The following TEX2 variants were observed in gnomAD, a reference collection of about 807,000 sequenced individuals.
TEX2 encodes the protein testis-expressed protein 2.
TEX2 carries 53 observed loss-of-function variants against 106.9 expected under a neutral mutation model. The observed-to-expected ratio is 0.50, with a 90% confidence interval of 0.40 to 0.62. The LOEUF (loss-of-function observed/expected upper bound fraction) is 0.62, where lower values mean the gene tolerates loss of function less well. TEX2 is among the 20% of genes least tolerant of loss of function. The pLI, the probability that TEX2 is intolerant of heterozygous loss-of-function variation, is 0.00. For synonymous variants in TEX2, 523 were observed against 534.8 expected (o/e 0.98, Z 0.30); for missense variants, 1,207 against 1,379.0 (o/e 0.88, Z 1.98).
At position 64,188,896 on chromosome 17, in the gene TEX2, T is replaced by C. The variant is rs950132231; in HGVS notation, c.2177-481A>G. On this transcript the variant is annotated intron_variant, in intron 4 of 11. Transcript: ENST00000584379. ...TCTCTAAGGTAATTTTTAAGAACGG[T>C]TTTTATTCCTCTCCAAGATAATTAG... 3.9e-5 allele frequency among the ~76,000 whole-genome samples: 6 copies of C among 152,242 alleles called. No homozygotes were observed. The East Asian group carries it at 1.2e-3, about 29-fold the overall frequency.
chr17:64,182,497 AAT>A (rs1343184021), intron 5 of TEX2, among the ~76,000 whole-genome samples: 3 of 152,364 alleles, frequency 2.0e-5, no homozygotes, highest in East Asian at 1.9e-4. Flanking sequence ...AATTTTTAAA[AAT>A]AGAGTACATT....
chr17:64,152,982 C>T lies in TEX2; in HGVS notation c.3103G>A (p.Ala1035Thr). Reference protein sequence around the residue: ...VEVQECRGTLAVNIPPPPTDR... With the variant: ...VEVQECRGTLTVNIPPPPTDR... ...GTCGGGGGTGGTGGAATGTTGACCG[C>T]CAAGGTTCCTCTACATTCTTGTACT... Residue 1035 changes from alanine to threonine, a missense_variant, in exon 10 of 12, where the codon GCG becomes ACG. By Grantham distance (58) the Ala-to-Thr change is moderately conservative (BLOSUM62 0). Transcript: ENST00000584379. 1 of 1,614,148 alleles carries T rather than the reference C, an allele frequency of 6.2e-7. No homozygotes were observed. Among genetic ancestry groups the T allele is most frequent in the South Asian group, 1.1e-5 (1 of 91,082 alleles).
chr17:64,253,531 T>G (rs569392914), intron 1 of TEX2, among the ~76,000 whole-genome samples: 1 of 151,616 alleles, frequency 6.6e-6, no homozygotes, highest in East Asian at 1.9e-4. Context: ...GGAGTAGAGG[T>G]AGATGAGGGC....
chr17:64,200,310 C>G (rs2032618308), intron 2 of TEX2, among the ~76,000 whole-genome samples: 1 of 152,220 alleles, frequency 6.6e-6, no homozygotes, highest in Non-Finnish European at 1.5e-5. Flanking sequence ...AGCTGTTACT[C>G]TGCCCCAGTC....
At chr17:64,149,274 C>T (rs1269679005) in intron 11 of TEX2, 183 bp from the exon 12 acceptor site, 11 of 601,232 alleles carry the variant, frequency 1.8e-5, no homozygotes, top group South Asian at 6.5e-5. Context: ...ATCATACCAG[C>T]GCATGGATAC....
At chr17:64,258,321 C>T (rs2034223541) in intron 1 of TEX2, among the ~76,000 whole-genome samples, 1 of 152,100 alleles carries the variant, frequency 6.6e-6, no homozygotes, top group Admixed American at 6.5e-5. Flanking sequence ...GGTGTATATA[C>T]GGTTCAGCAC....
At chr17:64,243,729 G>A (rs547941943) in intron 1 of TEX2, among the ~76,000 whole-genome samples, 1 of 152,184 alleles carries the variant, frequency 6.6e-6, no homozygotes, top group South Asian at 2.1e-4. Context: ...GTGTGTACAT[G>A]TGCGGATTTC....
chr17:64,214,815 C>T (rs1343673807), intron 1 of TEX2, among the ~76,000 whole-genome samples: 2 of 152,214 alleles, frequency 1.3e-5, no homozygotes, highest in African/African-American at 2.4e-5. Context: ...AATCTGTAAA[C>T]TAATTGCCAT....
intron 2 of TEX2, among the ~76,000 whole-genome samples, chr17:64,208,397 C>T (rs2032903561): frequency 6.6e-6 from 1 of 151,932 alleles, no homozygotes; most frequent in African/African-American, 2.4e-5. Context: ...GCCACCACAC[C>T]TGGCTTTTTA....
At chr17:64,174,252 C>T (rs1212663012) in intron 6 of TEX2, among the ~76,000 whole-genome samples, 3 of 152,182 alleles carry the variant, frequency 2.0e-5, no homozygotes, top group African/African-American at 7.2e-5. Context: ...CAACCACTAC[C>T]TGCCATTCTG....
At chr17:64,260,396 TG>T (rs2143538955) in intron 1 of TEX2, among the ~76,000 whole-genome samples, 1 of 152,332 alleles carries the variant, frequency 6.6e-6, no homozygotes, top group South Asian at 2.1e-4. Context: ...CTCAAACCCT[TG>T]GCCTCAAGTA....
rs782096371 is a variant in TEX2 at position 64,213,204 on chromosome 17, C to T, written c.1014G>A (p.Leu338=). The change falls in exon 2 of 12, where the codon TTG becomes TTA. Residue 338 remains leucine (L), a synonymous_variant. Transcript: ENST00000584379. This position sits in a 1 kb window ranked among gnomAD's most constrained non-coding sequence, Gnocchi z 4.4. The part of the protein sequence containing the change: ...LSNLSSLNGH[L]ESNNNYSIKE... ...TGATGCTGTAGTTGTTATTGCTTTCCAAGTGCCCATTCAAGCTGGACAGAT... is the reference window on the plus strand; with the variant it reads ...TGATGCTGTAGTTGTTATTGCTTTCTAAGTGCCCATTCAAGCTGGACAGAT... The T allele has an allele frequency of 2.5e-6, 4 of 1,614,178 alleles. No individual in the cohort carries two copies. In the East Asian group the frequency reaches 8.9e-5, roughly 36 times the overall value.
Position 64,213,883 on chromosome 17 carries a change from T to A in TEX2, c.335A>T (p.Asn112Ile). The A allele has an allele frequency of 5.6e-6, 9 of 1,614,180 alleles. No homozygotes were observed. The highest frequency in any genetic ancestry group is 6.8e-6 in the Non-Finnish European group (8 of 1,180,024). ...AGGGGACTCCAACAGCTTTACAGTGTTCTTGGAGACGGGCAAAATGGCAGG... is the reference window on the plus strand; with the variant it reads ...AGGGGACTCCAACAGCTTTACAGTGATCTTGGAGACGGGCAAAATGGCAGG... ...QAPAILPVSK[N>I]TVKLLESPVP... The change falls in exon 2 of 12, where the codon AAC becomes ATC. Residue 112 changes from asparagine to isoleucine, a missense_variant. By Grantham distance (149) the Asn-to-Ile change is moderately radical. This residue lies in a region of TEX2 where 1,067 missense variants were observed against 1,193.6 expected (regional missense o/e 0.89). Transcript: ENST00000584379. This position sits in a 1 kb window ranked among gnomAD's most constrained non-coding sequence, Gnocchi z 4.4.
chr17:64,237,040 G>C (rs1055979478), intron 1 of TEX2, among the ~76,000 whole-genome samples: 5 of 152,218 alleles, frequency 3.3e-5, no homozygotes, highest in African/African-American at 4.8e-5. Context: ...CATAATCAAT[G>C]CAAGAACTAG....
rs186806677 is a variant in TEX2 at position 64,198,381 on chromosome 17, G to A, written c.1645-3286C>T. Among the ~76,000 whole-genome samples the A allele has an allele frequency of 3.0e-3, 458 of 150,864 alleles. 2 individuals carry two copies. The highest frequency in any genetic ancestry group is 0.01 in the African/African-American group (428 of 40,948). ...TAAAGAACTTGAAGCAGATATAATC[G>A]TTTTTCTAAGATACTTCAGAGGTTG... On this transcript the variant is annotated intron_variant, in intron 2 of 11. Transcript: ENST00000584379.
In TEX2 at chr17:64,213,805, G is replaced by A. The variant is rs1424407890; in HGVS notation, c.413C>T (p.Ser138Leu). 7 of 1,614,098 alleles carry A rather than the reference G, an allele frequency of 4.3e-6. No individual in the cohort carries two copies. The highest frequency in any genetic ancestry group is 2.2e-5 in the East Asian group (1 of 44,902). The change falls in exon 2 of 12, where the codon TCG (serine) becomes TTG (leucine). Residue 138 changes from serine (S) to leucine (L), a missense_variant. This residue lies in a region of TEX2 where 1,067 missense variants were observed against 1,193.6 expected (regional missense o/e 0.89). Transcript: ENST00000584379. The surrounding 1 kb of genome is among the most constrained non-coding windows in gnomAD (Gnocchi z 4.4). ...GCTAGCTAAGGGCCCCGACGAAGAC[G>A]ACCCTGGGGACACAGCCAATGGCAC... ...STVPLAVSPG[S>L]SSSGPLASSP...
chr17:64,232,523 G>C (rs565947019), intron 1 of TEX2, among the ~76,000 whole-genome samples: 1 of 152,300 alleles, frequency 6.6e-6, no homozygotes, highest in Admixed American at 6.5e-5. Flanking sequence ...GTGATAATAA[G>C]CATAGCTGAG....
At chr17:64,234,198 A>C (rs183869824) in intron 1 of TEX2, among the ~76,000 whole-genome samples, 13 of 152,364 alleles carry the variant, frequency 8.5e-5, no homozygotes, top group Non-Finnish European at 1.8e-4. Context: ...AAATACAAGT[A>C]CACAGCATGG....
At chr17:64,263,058 G>T (rs1555638823) in intron 1 of TEX2, 110 bp downstream of exon 1, 1 of 152,148 alleles carries the variant, frequency 6.6e-6, no homozygotes, top group Non-Finnish European at 1.5e-5. Context: ...GCCAAGGGCC[G>T]CCGGACCCGA....
Sources: gnomAD v4.1 joint callset for allele counts (sites outside exome capture counted in the v4.1 genomes callset) on GRCh38, gnomAD v4.1.1 for gene constraint, gnomAD v4.1.1 regional missense constraint, Gnocchi (gnomAD v3.1) non-coding constraint, MANE v1.5 for transcripts, NCBI Gene and HGNC (gene_info 2026-07-23, HGNC 2026-07-21) for gene names.